IL6ST: variants seen among roughly 807,000 people sequenced by gnomAD.
IL6ST encodes interleukin 6 cytokine family signal transducer.
A neutral mutation model predicts 91.3 loss-of-function variants in IL6ST; 24 were observed. That is an observed-to-expected ratio of 0.26 (90% CI 0.19 to 0.37). IL6ST has a LOEUF of 0.37. Among genes scored for constraint, IL6ST ranks in the 10% least tolerant of loss-of-function variants. The pLI, the probability that IL6ST is intolerant of heterozygous loss-of-function variation, is 1.00. For missense variants in IL6ST, 914 were observed against 1,078.5 expected (o/e 0.85, Z 2.14); for synonymous variants, 351 against 373.6 (o/e 0.94, Z 0.70).
intron 3 of IL6ST, among the ~76,000 whole-genome samples, chr5:55,973,326 C>T (rs1261868900): frequency 2.0e-5 from 3 of 152,142 alleles, no homozygotes; most frequent in Non-Finnish European, 4.4e-5. Flanking sequence ...TGCATTTCCC[C>T]CAACCACATC....
intron 3 of IL6ST, 112 bp from the exon 4 acceptor site, chr5:55,969,967 T>G (rs1432228951): frequency 1.6e-6 from 1 of 628,556 alleles, no homozygotes; most frequent in Non-Finnish European, 2.8e-6. Flanking sequence ...AAAATATCCC[T>G]AAAGACACAG....
At chr5:55,974,954 CAT>C (rs56284305) in intron 3 of IL6ST, among the ~76,000 whole-genome samples, 215 of 142,698 alleles carry the variant, frequency 1.5e-3, no homozygotes, top group East Asian at 0.011. Flanking sequence ...CACACACACA[CAT>C]ACACACACAC....
chr5:55,941,374 T>A lies in IL6ST; in HGVS notation c.2465A>T (p.His822Leu). ...QQYFKQNCSQ[H>L]ESSPDISHFE... ...ATGTGAAATATCTGGACTGGATTCA[T>A]GCTGACTGCAGTTCTGTTTGAAGTA... The change falls in exon 17 of 17, where the codon CAT becomes CTT. Residue 822 changes from histidine (H) to leucine (L), a missense_variant. Coordinates refer to ENST00000381298, the MANE Select transcript of IL6ST (RefSeq NM_002184.4). The A allele has an allele frequency of 1.2e-6, 2 of 1,614,130 alleles. No homozygotes were observed. Among genetic ancestry groups the A allele is most frequent in the Non-Finnish European group, 1.7e-6 (2 of 1,179,952 alleles).
chr5:55,942,842 ACAAAC>A (rs1026919535), intron 15 of IL6ST, 91 bp from the exon 16 acceptor site: 4 of 680,506 alleles, frequency 5.9e-6, no homozygotes, highest in Non-Finnish European at 1.0e-5. Flanking sequence ...AAAGACTCTT[ACAAAC>A]CAAACCAATT....
At chr5:55,977,263 C>CTT (rs201187036) in intron 2 of IL6ST, among the ~76,000 whole-genome samples, 1 of 146,634 alleles carries the variant, frequency 6.8e-6, no homozygotes. Context: ...ACAGGAAATT[C>CTT]TTTTTTTTTT....
chr5:55,950,386 AAT>A (rs1421093758), intron 14 of IL6ST, among the ~76,000 whole-genome samples: 2 of 151,632 alleles, frequency 1.3e-5, no homozygotes, highest in Non-Finnish European at 2.9e-5. Context: ...AAATACAAAA[AAT>A]TAGCCAGGCA....
intron 14 of IL6ST, 155 bp from the exon 15 acceptor site, chr5:55,947,744 G>C (rs1439425145): frequency 5.2e-6 from 3 of 571,512 alleles, no homozygotes; most frequent in Non-Finnish European, 9.3e-6. Context: ...CAGACTTGAT[G>C]ATTTTTACCC....
chr5:55,971,058 GC>G (rs1752936288), intron 3 of IL6ST, among the ~76,000 whole-genome samples: 3 of 152,162 alleles, frequency 2.0e-5, no homozygotes, highest in Non-Finnish European at 4.4e-5. Context: ...GCTTTCAATA[GC>G]CCATTAGACA....
At chr5:55,990,429 C>A (rs962798502) in intron 1 of IL6ST, among the ~76,000 whole-genome samples, 8 of 152,154 alleles carry the variant, frequency 5.3e-5, no homozygotes, top group African/African-American at 1.9e-4. Context: ...TAGTTGAATT[C>A]TTTCCTTTAT....
intron 11 of IL6ST, among the ~76,000 whole-genome samples, chr5:55,953,989 T>A (rs1370231875): frequency 6.6e-6 from 1 of 150,978 alleles, no homozygotes; most frequent in African/African-American, 2.4e-5. Context: ...CCTGTATTTA[T>A]TTTTTTTTAA....
At position 55,936,341 on chromosome 5, in the gene IL6ST, G is replaced by GTTTT. The variant is rs57970223; in HGVS notation, c.*4737_*4740dup. The stretch of plus-strand genomic sequence containing the variant: ...ACTTGGGCTCTTGACAACCAAGTAG[G>GTTTT]TTTTTTTTTTTTTTTTTTTTTTTAA... On this transcript the variant is annotated 3_prime_UTR_variant, in exon 17 of 17. Coordinates refer to ENST00000381298, the MANE Select transcript of IL6ST (RefSeq NM_002184.4). 5.6e-4 allele frequency: 83 copies of GTTTT among 149,290 alleles called. No homozygotes were observed. The highest frequency in any genetic ancestry group is 2.3e-3 in the African/African-American group (77 of 33,512). The allele number at this position is 149,290 out of a possible 1,614,324, so 9.2% of individuals were successfully genotyped here.
intron 2 of IL6ST, among the ~76,000 whole-genome samples, chr5:55,982,437 G>A (rs11574766): frequency 0.052 from 7,893 of 152,146 alleles, 709 homozygotes; most frequent in African/African-American, 0.18. Context: ...TCACAGTACA[G>A]TGTTACTGTG....
At chr5:55,950,168 G>T (rs1375078126) in intron 14 of IL6ST, 1 of 492,448 alleles carries the variant, frequency 2.0e-6, no homozygotes, top group Non-Finnish European at 4.1e-6. Flanking sequence ...TAGAACGAGG[G>T]AGGGAAAATG....
intron 7 of IL6ST, among the ~76,000 whole-genome samples, chr5:55,962,279 G>C (rs1752365371): frequency 6.6e-6 from 1 of 152,164 alleles, no homozygotes; most frequent in Admixed American, 6.5e-5. Context: ...GGGGTAAGGA[G>C]AGAAGTAGTA....
chr5:55,944,724 G>T, intron 15 of IL6ST: 3 of 1,010,766 alleles, frequency 3.0e-6, no homozygotes, highest in Non-Finnish European at 4.5e-6. Flanking sequence ...TGAGGCAGAG[G>T]TCCAAGTAAA....
At position 55,960,415 on chromosome 5, in the gene IL6ST, G is replaced by A; in HGVS notation, c.960C>T (p.Ile320=). The A allele has an allele frequency of 6.2e-7, 1 of 1,613,220 alleles. No homozygotes were observed. The highest frequency in any genetic ancestry group is 8.5e-7 in the Non-Finnish European group (1 of 1,179,428). The part of the protein sequence containing the change: ...WSDWSEEASG[I]TYEDRPSKAP... ...TTATGTACTTACTATCTTCATAGGT[G>A]ATCCCACTTGCTTCTTCACTCCAGT... Residue 320 remains isoleucine (I), a synonymous_variant, in exon 8 of 17, where the codon ATC becomes ATT. Coordinates refer to ENST00000381298, the MANE Select transcript of IL6ST (RefSeq NM_002184.4).
intron 5 of IL6ST, among the ~76,000 whole-genome samples, chr5:55,967,637 C>G (rs1752714232): frequency 6.6e-6 from 1 of 151,812 alleles, no homozygotes; most frequent in Admixed American, 6.6e-5. Context: ...GAGACGCATA[C>G]TGAAATATCT....
At chr5:55,960,325 G>A (rs1752234675) in intron 8 of IL6ST, 77 bp downstream of exon 8, 1 of 1,091,722 alleles carries the variant, frequency 9.2e-7, no homozygotes, top group South Asian at 1.6e-5. Flanking sequence ...AAGCAATGAG[G>A]CTATATTATT....
chr5:55,977,628 C>T (rs1209462652), intron 2 of IL6ST, among the ~76,000 whole-genome samples: 1 of 152,082 alleles, frequency 6.6e-6, no homozygotes, highest in Non-Finnish European at 1.5e-5. Flanking sequence ...GAGTTCGAGA[C>T]GAGCCTGGCC....
Sources: gnomAD v4.1 joint callset for allele counts (sites outside exome capture counted in the v4.1 genomes callset) on GRCh38, gnomAD v4.1.1 for gene constraint, MANE v1.5 for transcripts, NCBI Gene and HGNC (gene_info 2026-07-23, HGNC 2026-07-21) for gene names.